Variants in ZNF624 observed in about 807,000 individuals in gnomAD.
ZNF624 encodes zinc finger protein 624.
In ZNF624, 43 loss-of-function variants were observed where a neutral mutation model predicts 74.7. That is an observed-to-expected ratio of 0.58 (90% CI 0.45 to 0.74). The LOEUF (loss-of-function observed/expected upper bound fraction) is 0.74, where lower values mean the gene tolerates loss of function less well. Ranked by LOEUF, ZNF624 falls within the 30% of genes least tolerant of loss-of-function variation. The pLI is 0.00. For missense variants in ZNF624, 820 were observed against 1,030.0 expected (o/e 0.80, Z 2.79); for synonymous variants, 331 against 341.3 (o/e 0.97, Z 0.33).
chr17:16,627,674 A>G (rs4792758), intron 5 of ZNF624, among the ~76,000 whole-genome samples: 4,270 of 152,310 alleles, frequency 0.028, 191 homozygotes, highest in African/African-American at 0.097. Context: ...ATTTAGGTCC[A>G]TTAAGGAGGA....
At chr17:16,625,180 A>ATTTGT (rs1388763102) in intron 5 of ZNF624, among the ~76,000 whole-genome samples, 38 of 151,558 alleles carry the variant, frequency 2.5e-4, no homozygotes, top group African/African-American at 8.7e-4. Flanking sequence ...CACACTTTCT[A>ATTTGT]TTTGTTTTGT....
chr17:16,619,746 T>A (rs1908863224), downstream of ZNF624, among the ~76,000 whole-genome samples: 1 of 152,254 alleles, frequency 6.6e-6, no homozygotes, highest in African/African-American at 2.4e-5. Context: ...ACTTTTCAGT[T>A]CTTTTGTCAT....
Position 16,623,105 on chromosome 17 carries a change from C to T in ZNF624, c.1781G>A (p.Arg594Lys), listed in dbSNP as rs961100692. The T allele has an allele frequency of 2.5e-6, 4 of 1,613,756 alleles. No homozygotes were observed. In the African/African-American group the frequency reaches 5.3e-5, roughly 22 times the overall value. The change falls in exon 6 of 6, where the codon AGA becomes AAA. Residue 594 changes from arginine (R) to lysine (K), a missense_variant. Coordinates refer to ENST00000311331, the MANE Select transcript of ZNF624 (RefSeq NM_020787.4). The surrounding 1 kb of genome is among the most constrained non-coding windows in gnomAD (Gnocchi z 5.3). ...YLCNECGESF[R>K]IKSHLTVHQR... ...ATGTACAGTTAAGTGTGATTTTATT[C>T]TGAAAGACTCCCCACATTCATTGCA...
chr17:16,644,574 C>CA (rs2142642513), intron 3 of ZNF624, among the ~76,000 whole-genome samples: 1 of 152,290 alleles, frequency 6.6e-6, no homozygotes, highest in South Asian at 2.1e-4. Context: ...TCATAAGCCT[C>CA]ATATTCTCTA....
downstream of ZNF624, chr17:16,616,844 T>C (rs1908801747): frequency 2.5e-6 from 3 of 1,185,480 alleles, no homozygotes; most frequent in East Asian, 4.7e-5. Flanking sequence ...AAGAGAGTTC[T>C]GAGTTAATCC....
At chr17:16,625,200 G>A (rs1909041201) in intron 5 of ZNF624, among the ~76,000 whole-genome samples, 2 of 151,760 alleles carry the variant, frequency 1.3e-5, no homozygotes, top group Admixed American at 1.3e-4. Flanking sequence ...TTTTGTTTTG[G>A]AGACAGATAC....
At chr17:16,635,878 A>G (rs980326631) in intron 3 of ZNF624, among the ~76,000 whole-genome samples, 12 of 141,180 alleles carry the variant, frequency 8.5e-5, no homozygotes, top group Non-Finnish European at 1.7e-4. Context: ...GCATTTTAAG[A>G]GAAAAAAAAA....
intron 5 of ZNF624, among the ~76,000 whole-genome samples, chr17:16,627,052 CAAAT>C (rs962907901): frequency 1.3e-5 from 2 of 151,772 alleles, no homozygotes; most frequent in Non-Finnish European, 1.5e-5. Flanking sequence ...GACTCCATCT[CAAAT>C]AAATAAATAA....
chr17:16,645,494 C>T (rs1370943260), intron 3 of ZNF624, among the ~76,000 whole-genome samples: 1 of 152,008 alleles, frequency 6.6e-6, no homozygotes, highest in Non-Finnish European at 1.5e-5. Flanking sequence ...TCCTTTTGGT[C>T]TGATTATAAT....
rs1309695840 is a variant in ZNF624, at chr17:16,627,230, T to G, written c.377-2721A>C. ...ATAAAAGCTTAGAGTACATAAAGGTTGTTGTTATATTAGTAATTAGAAATT... is the reference window on the plus strand; with the variant it reads ...ATAAAAGCTTAGAGTACATAAAGGTGGTTGTTATATTAGTAATTAGAAATT... On this transcript the variant is annotated intron_variant, in intron 5 of 5. Transcript: ENST00000311331. Among the ~76,000 whole-genome samples, 3 of 152,296 alleles carry G rather than the reference T, an allele frequency of 2.0e-5. No homozygotes were observed. The East Asian group carries it at 5.8e-4, about 29-fold the overall frequency.
At position 16,622,699 on chromosome 17, in the gene ZNF624, A is replaced by G; in HGVS notation, c.2187T>C (p.Cys729=). ...GTACCATCTGGCTAAATGCTTTCCC[A>G]CAGTCATTACATTTAAATGGTTTCT... is the stretch of plus-strand genomic sequence containing the variant. ...TGEKPFKCND[C]GKAFSQMVHV... is the part of the protein sequence containing the mutation. The change falls in exon 6 of 6, where the codon TGT becomes TGC. Residue 729 remains cysteine (C), a synonymous_variant. Transcript: ENST00000311331. The G allele has an allele frequency of 6.2e-7, 1 of 1,613,852 alleles. No homozygotes were observed. The highest frequency in any genetic ancestry group is 8.5e-7 in the Non-Finnish European group (1 of 1,179,946).
intron 3 of ZNF624, among the ~76,000 whole-genome samples, chr17:16,637,093 C>T (rs991164806): frequency 6.6e-6 from 1 of 152,068 alleles, no homozygotes; most frequent in Admixed American, 6.5e-5. Context: ...AAACAGAGAA[C>T]CAAATCATGA....
At chr17:16,626,928 G>C (rs1909086467) in intron 5 of ZNF624, among the ~76,000 whole-genome samples, 3 of 151,992 alleles carry the variant, frequency 2.0e-5, no homozygotes, top group South Asian at 4.1e-4. Flanking sequence ...GGTGGCACAC[G>C]CTTATAATCC....
At chr17:16,652,918 T>A (rs998113548) in intron 1 of ZNF624, among the ~76,000 whole-genome samples, 3 of 152,228 alleles carry the variant, frequency 2.0e-5, no homozygotes, top group Admixed American at 2.0e-4. Flanking sequence ...CCACCTTATA[T>A]GTTTCTACTG....
intron 3 of ZNF624, among the ~76,000 whole-genome samples, chr17:16,639,945 A>C (rs1909427826): frequency 6.6e-6 from 1 of 152,240 alleles, no homozygotes; most frequent in South Asian, 2.1e-4. Context: ...GTAAAAAATA[A>C]AGCATCAATG....
intron 3 of ZNF624, among the ~76,000 whole-genome samples, chr17:16,646,882 T>A (rs1320146663): frequency 1.3e-5 from 2 of 152,236 alleles, no homozygotes. Flanking sequence ...TTTCTAAGTT[T>A]TGGATAATTT....
intron 3 of ZNF624, among the ~76,000 whole-genome samples, chr17:16,642,242 C>CA (rs1199465563): frequency 1.3e-5 from 2 of 152,044 alleles, no homozygotes; most frequent in African/African-American, 4.8e-5. Flanking sequence ...CTCCTAATTT[C>CA]AAAACGTACT....
chr17:16,629,015 T>TGGCGA (rs913518658), intron 5 of ZNF624, among the ~76,000 whole-genome samples: 12 of 151,856 alleles, frequency 7.9e-5, no homozygotes, highest in Non-Finnish European at 1.0e-4. Flanking sequence ...CTGGCCAATG[T>TGGCGA]GGCGAGACCC....
At chr17:16,632,069 C>A (rs948407914) in intron 5 of ZNF624, among the ~76,000 whole-genome samples, 2 of 151,988 alleles carry the variant, frequency 1.3e-5, no homozygotes, top group Admixed American at 6.6e-5. Flanking sequence ...AATAACTTTC[C>A]CTCTCTCACA....
Sources: gnomAD v4.1 joint callset for allele counts (sites outside exome capture counted in the v4.1 genomes callset) on GRCh38, gnomAD v4.1.1 for gene constraint, Gnocchi (gnomAD v3.1) non-coding constraint, MANE v1.5 for transcripts, NCBI Gene and HGNC (gene_info 2026-07-23, HGNC 2026-07-21) for gene names.